YY1: variants seen among roughly 807,000 people sequenced by gnomAD.
YY1 encodes YY1 transcription factor, also known as transcriptional repressor protein YY1.
Under a neutral mutation model 35.6 loss-of-function variants are expected in YY1, and 2 were observed. That is an observed-to-expected ratio of 0.06 (90% CI 0.02 to 0.18). The LOEUF (loss-of-function observed/expected upper bound fraction) is 0.18, where lower values mean the gene tolerates loss of function less well. Ranked by LOEUF, YY1 falls within the 10% of genes least tolerant of loss-of-function variation. The probability of loss-of-function intolerance (pLI) is 1.00; values close to 1 mark genes in which losing one functional copy is unlikely to be tolerated. For synonymous variants in YY1, 268 were observed against 238.9 expected (o/e 1.12, Z -1.12); for missense variants, 322 against 573.4 (o/e 0.56, Z 4.48).
Position 100,239,924 on chromosome 14 carries a change from G to A in YY1, c.679+1G>A, listed in dbSNP as rs1332544691. The stretch of plus-strand genomic sequence containing the variant: ...TTCTCGGTCACCATGTGGTCCTCAG[G>A]TGAGCGCCGGCCGCGCGCCCCGGCC... On this transcript the variant is annotated splice_donor_variant, in intron 1 of 4. Transcript: ENST00000262238. LOFTEE classifies it high-confidence loss of function. 6.6e-7 allele frequency: 1 copy of A among 1,522,326 alleles called. No individual in the cohort carries two copies. Among genetic ancestry groups the A allele is most frequent in the Non-Finnish European group, 8.8e-7 (1 of 1,137,002 alleles). 94.3% of individuals were successfully genotyped at this position (1,522,326 alleles called of 1,614,324 possible).
chr14:100,250,448 A>G (rs1446913674), intron 1 of YY1, among the ~76,000 whole-genome samples: 2 of 152,162 alleles, frequency 1.3e-5, no homozygotes, highest in Non-Finnish European at 2.9e-5. Flanking sequence ...ATATACATGC[A>G]TACATACATA....
At chr14:100,271,165 T>C (rs1891232735) in intron 2 of YY1, among the ~76,000 whole-genome samples, 1 of 152,086 alleles carries the variant, frequency 6.6e-6, no homozygotes, top group Non-Finnish European at 1.5e-5. Context: ...GAGAATGGCA[T>C]GAACCTGGGA....
At chr14:100,245,463 A>G (rs950078460) in intron 1 of YY1, among the ~76,000 whole-genome samples, 6 of 152,128 alleles carry the variant, frequency 3.9e-5, no homozygotes, top group African/African-American at 7.2e-5. Context: ...ATCTTAATCA[A>G]TTGCTTTAAT....
chr14:100,264,980 G>A (rs1334422932), intron 2 of YY1, among the ~76,000 whole-genome samples: 1 of 151,974 alleles, frequency 6.6e-6, no homozygotes, highest in African/African-American at 2.4e-5. Flanking sequence ...TAGCTTCTTG[G>A]GAGGCTGAGT....
intron 1 of YY1, among the ~76,000 whole-genome samples, chr14:100,247,398 T>C (rs953472908): frequency 6.6e-6 from 1 of 151,414 alleles, no homozygotes; most frequent in Non-Finnish European, 1.5e-5. Flanking sequence ...TTTTTTTTTT[T>C]CGAGACAGGG....
intron 1 of YY1, among the ~76,000 whole-genome samples, chr14:100,249,100 A>AT (rs60088505): frequency 0.025 from 1,173 of 46,738 alleles, 109 homozygotes; most frequent in East Asian, 0.045. Context: ...TTCTCGTGTA[A>AT]TTTTTTTTTT....
At chr14:100,271,438 A>C (rs1011531764) in intron 2 of YY1, among the ~76,000 whole-genome samples, 1 of 152,162 alleles carries the variant, frequency 6.6e-6, no homozygotes, top group African/African-American at 2.4e-5. Flanking sequence ...ATTTAAGATA[A>C]GAAAGGCTAG....
rs2139610383 is a variant in YY1, at chr14:100,280,105, C to T, written c.*2505C>T. 1 of 152,366 alleles carries T rather than the reference C, an allele frequency of 6.6e-6. No individual in the cohort carries two copies. Among genetic ancestry groups the T allele is most frequent in the African/African-American group, 2.4e-5 (1 of 41,592 alleles). The allele number at this position is 152,366 out of a possible 1,614,324, so 9.4% of individuals were successfully genotyped here. On this transcript the variant is annotated 3_prime_UTR_variant, in exon 5 of 5. Transcript: ENST00000262238. ...AAACAAGTTCCTTGTTAACATAGCA[C>T]TGACTTTGCAACAATAGAAAACTAA... is the stretch of plus-strand genomic sequence containing the variant.
intron 1 of YY1, among the ~76,000 whole-genome samples, chr14:100,253,271 A>G (rs535422997): frequency 2.6e-5 from 4 of 152,368 alleles, no homozygotes; most frequent in Non-Finnish European, 5.9e-5. Context: ...ATCGCTAGTC[A>G]ATAGAAATCA....
intron 1 of YY1, among the ~76,000 whole-genome samples, chr14:100,252,802 C>T (rs1303480646): frequency 1.3e-5 from 2 of 152,088 alleles, no homozygotes; most frequent in Non-Finnish European, 2.9e-5. Flanking sequence ...ATTTGGGAGG[C>T]CAAGGCAGGA....
In YY1 at chr14:100,239,454, CCACCACCACCACCAT is replaced by C. The variant is rs1389345266; in HGVS notation, c.225_239del (p.His76_His80del). 6 of 1,584,184 alleles carry C rather than the reference CCACCACCACCACCAT, an allele frequency of 3.8e-6. No homozygotes were observed. Among genetic ancestry groups the C allele is most frequent in the Admixed American group, 1.7e-5 (1 of 58,192 alleles). On this transcript the variant is annotated inframe_deletion, in exon 1 of 5. Transcript: ENST00000262238. ...GGGGCGGCCACGGGCACGCCGGCCA[CCACCACCACCACCAT>C]CACCACCACCACCACCCGCCCATGA...
intron 1 of YY1, among the ~76,000 whole-genome samples, chr14:100,261,390 G>A (rs928727278): frequency 4.6e-5 from 7 of 151,800 alleles, no homozygotes; most frequent in East Asian, 3.9e-4. Flanking sequence ...GGGTTTCGCC[G>A]TGTTGGCCAG....
At chr14:100,243,994 G>A (rs1366747541) in intron 1 of YY1, among the ~76,000 whole-genome samples, 2 of 151,842 alleles carry the variant, frequency 1.3e-5, no homozygotes, top group South Asian at 2.1e-4. Flanking sequence ...TGTAGTGCCA[G>A]CTACTCAGGA....
intron 1 of YY1, among the ~76,000 whole-genome samples, chr14:100,252,606 A>G (rs555995029): frequency 6.6e-6 from 1 of 152,300 alleles, no homozygotes; most frequent in Non-Finnish European, 1.5e-5. Flanking sequence ...GGTTGCCCAC[A>G]TCACCTTACC....
At chr14:100,242,731 G>A (rs1195689786) in intron 1 of YY1, among the ~76,000 whole-genome samples, 2 of 151,510 alleles carry the variant, frequency 1.3e-5, no homozygotes, top group South Asian at 2.1e-4. Context: ...TTGTTTTCAC[G>A]TCCGTTTCTT....
chr14:100,249,748 G>GTTTTTTTTTTTTTTT (rs57119106), intron 1 of YY1, among the ~76,000 whole-genome samples: 3 of 141,020 alleles, frequency 2.1e-5, no homozygotes, highest in Admixed American at 7.0e-5. Context: ...GCTACTTACC[G>GTTTTTTTTTTTTTTT]TTTTTTTTTT....
chr14:100,281,214 TC>T lies in YY1; in HGVS notation c.*3615del, dbSNP rs1891423965. On this transcript the variant is annotated 3_prime_UTR_variant, in exon 5 of 5. Transcript: ENST00000262238. Reference sequence around the variant, plus strand: ...TGGCTTGGGAAATTCATGTTGTTGATCTTTAATTATTTAATTATTCTTTAAT... The same window carrying T: ...TGGCTTGGGAAATTCATGTTGTTGATTTTAATTATTTAATTATTCTTTAAT... 6.6e-6 allele frequency: 1 copy of T among 151,780 alleles called. No individual in the cohort carries two copies. Among genetic ancestry groups the T allele is most frequent in the South Asian group, 2.1e-4 (1 of 4,796 alleles). 9.4% of individuals were successfully genotyped at this position (151,780 alleles called of 1,614,324 possible).
intron 1 of YY1, among the ~76,000 whole-genome samples, chr14:100,255,562 T>C (rs982802526): frequency 3.9e-5 from 6 of 152,190 alleles, no homozygotes; most frequent in Admixed American, 1.3e-4. Context: ...GAGGTTGCGG[T>C]GAGCCAACAT....
intron 1 of YY1, among the ~76,000 whole-genome samples, chr14:100,241,843 G>T (rs1890748244): frequency 6.6e-6 from 1 of 151,934 alleles, no homozygotes; most frequent in South Asian, 2.1e-4. Context: ...GCGTGATGGC[G>T]GGAGCCCGTA....
Sources: gnomAD v4.1 joint callset for allele counts (sites outside exome capture counted in the v4.1 genomes callset) on GRCh38, gnomAD v4.1.1 for gene constraint, MANE v1.5 for transcripts, NCBI Gene and HGNC (gene_info 2026-07-23, HGNC 2026-07-21) for gene names.